UBE2F: variants seen among roughly 807,000 people sequenced by gnomAD.
UBE2F encodes NEDD8-conjugating enzyme UBE2F.
UBE2F carries 5 observed loss-of-function variants against 29.6 expected under a neutral mutation model. The ratio of observed to expected loss-of-function variants is 0.17; its 90% confidence interval spans 0.09 to 0.36. The LOEUF is 0.36. Among genes scored for constraint, UBE2F ranks in the 10% least tolerant of loss-of-function variants. The probability of loss-of-function intolerance (pLI) is 1.00; values close to 1 mark genes in which losing one functional copy is unlikely to be tolerated. For synonymous variants in UBE2F, 66 were observed against 81.8 expected, an observed-to-expected ratio of 0.81 and a Z score of 1.04; for missense variants, 141 against 228.5, an observed-to-expected ratio of 0.62 and a Z score of 2.47.
intron 1 of UBE2F, among the ~76,000 whole-genome samples, chr2:237,972,158 T>G (rs2063188363): frequency 6.6e-6 from 1 of 152,180 alleles, no homozygotes; most frequent in African/African-American, 2.4e-5. Context: ...CCAAAAAATA[T>G]AAATAAAACA....
rs533435722 is a variant in UBE2F, at chr2:237,993,595, C to T, written c.149-1149C>T. ...AGGTGTGGTGGTGTGCACCTGTAGT[C>T]CCTGCTACTCAGGAGGCTGAGGTGG... On this transcript the variant is annotated intron_variant, in intron 3 of 9. Transcript: ENST00000272930. Among the ~76,000 whole-genome samples the T allele has an allele frequency of 5.9e-5, 9 of 152,206 alleles. No individual in the cohort carries two copies. In the East Asian group the frequency reaches 1.5e-3, roughly 26 times the overall value.
intron 4 of UBE2F, among the ~76,000 whole-genome samples, chr2:237,997,444 G>A (rs1367118069): frequency 2.0e-5 from 3 of 152,114 alleles, no homozygotes; most frequent in African/African-American, 7.2e-5. Context: ...AAGTGTGGCC[G>A]AGATATGCCA....
intron 1 of UBE2F, among the ~76,000 whole-genome samples, chr2:237,972,541 ATT>A (rs57914670): frequency 0.3 from 37,521 of 124,116 alleles, 6,660 homozygotes; most frequent in Middle Eastern, 0.36. Context: ...TTAATTTTAA[ATT>A]TTTTTTTTTT....
chr2:238,019,826 A>AT (rs1295531772), intron 5 of UBE2F, among the ~76,000 whole-genome samples: 1 of 151,384 alleles, frequency 6.6e-6, no homozygotes, highest in African/African-American at 2.4e-5. Flanking sequence ...CACCCGGCTA[A>AT]TTTTTGTAGT....
intron 2 of UBE2F, 150 bp downstream of exon 2, chr2:237,973,375 G>A (rs536311537): frequency 3.2e-6 from 3 of 940,558 alleles, no homozygotes; most frequent in East Asian, 2.7e-5. Flanking sequence ...TTATAGTGAA[G>A]GACATTGTAC....
At chr2:238,034,491 C>T (rs2064659766) in intron 8 of UBE2F, among the ~76,000 whole-genome samples, 1 of 152,086 alleles carries the variant, frequency 6.6e-6, no homozygotes, top group Non-Finnish European at 1.5e-5. Context: ...TCTCTCAGTG[C>T]TCTAAGTAAA....
intron 2 of UBE2F, among the ~76,000 whole-genome samples, chr2:237,977,002 C>T (rs79739324): frequency 0.012 from 1,851 of 152,200 alleles, 17 homozygotes; most frequent in Non-Finnish European, 0.016. Context: ...AGTGCAAGTC[C>T]ACAGAAAAGA....
intron 3 of UBE2F, among the ~76,000 whole-genome samples, chr2:237,992,398 G>T (rs915746139): frequency 1.3e-5 from 2 of 152,206 alleles, no homozygotes; most frequent in African/African-American, 4.8e-5. Context: ...CCCATTTTAA[G>T]TATTTCACAC....
At chr2:238,017,143 A>G (rs887016793) in intron 5 of UBE2F, among the ~76,000 whole-genome samples, 47 of 152,366 alleles carry the variant, frequency 3.1e-4, no homozygotes, top group African/African-American at 9.9e-4. Flanking sequence ...TTACAGACCA[A>G]TTAGGAGAGA....
At chr2:238,026,712 T>C (rs531827281) in intron 6 of UBE2F, among the ~76,000 whole-genome samples, 60 of 152,276 alleles carry the variant, frequency 3.9e-4, no homozygotes, top group African/African-American at 1.4e-3. Flanking sequence ...GGGTTACAGG[T>C]GTGAGCCACC....
At chr2:237,974,837 C>T (rs924915774) in intron 2 of UBE2F, among the ~76,000 whole-genome samples, 10 of 150,488 alleles carry the variant, frequency 6.6e-5, no homozygotes, top group African/African-American at 1.2e-4. Flanking sequence ...TTAATAGAGA[C>T]GAGGTTTCAC....
At chr2:237,999,933 T>G (rs1380855028) in intron 4 of UBE2F, among the ~76,000 whole-genome samples, 2 of 151,732 alleles carry the variant, frequency 1.3e-5, no homozygotes, top group African/African-American at 4.8e-5. Context: ...CGAGCGATTC[T>G]CCTGCCTCAG....
intron 8 of UBE2F, 21 bp downstream of exon 8, chr2:238,032,275 C>T: frequency 6.3e-7 from 1 of 1,596,062 alleles, no homozygotes; most frequent in Non-Finnish European, 8.6e-7. Context: ...TGATCAAAAT[C>T]CCAAGTTATT....
At chr2:238,005,672 A>G (rs955709575) in intron 4 of UBE2F, among the ~76,000 whole-genome samples, 23 of 151,368 alleles carry the variant, frequency 1.5e-4, no homozygotes, top group Admixed American at 1.2e-3. Context: ...GGGTTTTCCC[A>G]TTGACTTACC....
intron 5 of UBE2F, among the ~76,000 whole-genome samples, chr2:238,017,228 A>G (rs1384064995): frequency 6.6e-6 from 1 of 152,210 alleles, no homozygotes; most frequent in Non-Finnish European, 1.5e-5. Flanking sequence ...ATGATAGGAA[A>G]CTAGTTTTTG....
chr2:238,016,342 AAGAC>A (rs1467052429), intron 4 of UBE2F, among the ~76,000 whole-genome samples: 1 of 152,132 alleles, frequency 6.6e-6, no homozygotes, highest in Non-Finnish European at 1.5e-5. Flanking sequence ...GCCCCCTGAG[AAGAC>A]AGACAGGCAG....
chr2:237,986,128 C>A, intron 2 of UBE2F: 1 of 349,522 alleles, frequency 2.9e-6, no homozygotes, highest in South Asian at 2.1e-5. Flanking sequence ...AATTCATAGA[C>A]TACCTTTTCT....
intron 2 of UBE2F, among the ~76,000 whole-genome samples, chr2:237,985,225 A>G (rs1264154702): frequency 1.3e-5 from 2 of 152,172 alleles, no homozygotes; most frequent in Non-Finnish European, 2.9e-5. Flanking sequence ...TACCTTTTTT[A>G]AAATGGTAAC....
chr2:238,027,282 T>C (rs1290599458), intron 6 of UBE2F, among the ~76,000 whole-genome samples: 1 of 152,228 alleles, frequency 6.6e-6, no homozygotes, highest in African/African-American at 2.4e-5. Context: ...AAATAGTCCT[T>C]ACTATTCATT....
Sources: allele counts gnomAD v4.1 joint callset (sites outside exome capture counted in the v4.1 genomes callset), GRCh38; gene constraint gnomAD v4.1.1; transcripts MANE v1.5; gene names NCBI Gene and HGNC (gene_info 2026-07-23, HGNC 2026-07-21).